The following TEX36 variants were observed in gnomAD, a reference collection of about 807,000 sequenced individuals.
TEX36 encodes the protein testis-expressed protein 36.
In TEX36, 12 loss-of-function variants were observed where a neutral mutation model predicts 13.6. The observed-to-expected ratio is 0.88, with a 90% CI of 0.56 to 1.43. TEX36 has a LOEUF of 1.43. Ranked by LOEUF, TEX36 falls within the 40% of genes most tolerant of loss-of-function variation. The probability of loss-of-function intolerance (pLI) is 0.00; values close to 1 mark genes in which losing one functional copy is unlikely to be tolerated. For missense variants in TEX36, 224 were observed against 228.3 expected, an observed-to-expected ratio of 0.98 and a Z score of 0.12; for synonymous variants, 93 against 83.0, an observed-to-expected ratio of 1.12 and a Z score of -0.65.
At position 125,609,169 on chromosome 10, in the gene TEX36, CA is replaced by C. The variant is rs869082542; in HGVS notation, c.265-32296del. ...GACTCCATCTCAGGAAAAAACAAAA[CA>C]AAAAAAAAAAAACTTTTAAACTAAA... On this transcript the variant is annotated intron_variant, in intron 3 of 3. Coordinates refer to the TEX36 transcript ENST00000532135. Among the ~76,000 whole-genome samples, 207 of 59,092 alleles carry C rather than the reference CA, an allele frequency of 3.5e-3. 1 individual carries two copies. The highest frequency in any genetic ancestry group is 4.7e-3 in the Non-Finnish European group (125 of 26,736). The allele number at this position is 59,092 out of a possible 152,430, so 38.8% of individuals were successfully genotyped here.
intron 1 of TEX36, 39 bp from the exon 2 acceptor site, chr10:125,662,016 A>T (rs1337796386): frequency 6.4e-7 from 1 of 1,551,900 alleles, no homozygotes; most frequent in East Asian, 2.4e-5. Context: ...AACCAGACAC[A>T]TTTGAATCTA....
downstream of TEX36, among the ~76,000 whole-genome samples, chr10:125,650,806 C>G (rs1398839920): frequency 6.6e-6 from 1 of 151,910 alleles, no homozygotes; most frequent in Non-Finnish European, 1.5e-5. Flanking sequence ...AAAAAATGAT[C>G]AAGGGGATAT....
chr10:125,616,095 T>C (rs1016188430), intron 3 of TEX36, among the ~76,000 whole-genome samples: 2 of 152,216 alleles, frequency 1.3e-5, no homozygotes, highest in Non-Finnish European at 2.9e-5. Flanking sequence ...TATTCTCTGA[T>C]GGTAGTTTGT....
chr10:125,628,746 T>C (rs1483005870), intron 3 of TEX36, among the ~76,000 whole-genome samples: 2 of 152,178 alleles, frequency 1.3e-5, no homozygotes, highest in Non-Finnish European at 2.9e-5. Flanking sequence ...AGCGAAAAGC[T>C]GGGGGATAAA....
At chr10:125,601,016 T>G (rs1300413850) in intron 3 of TEX36, among the ~76,000 whole-genome samples, 1 of 152,258 alleles carries the variant, frequency 6.6e-6, no homozygotes, top group Non-Finnish European at 1.5e-5. Context: ...TTTAGCTTTC[T>G]CATTTGGCCA....
At chr10:125,592,276 C>G (rs939467249) in intron 3 of TEX36, among the ~76,000 whole-genome samples, 1 of 152,126 alleles carries the variant, frequency 6.6e-6, no homozygotes, top group East Asian at 1.9e-4. Flanking sequence ...GAGACCATCC[C>G]CATGAAGCCA....
At position 125,667,762 on chromosome 10, in the gene TEX36, C is replaced by T; in HGVS notation, c.52-5785G>A. The T allele has an allele frequency of 3.5e-6, 3 of 845,812 alleles. No individual in the cohort carries two copies. In the East Asian group the frequency reaches 7.3e-5, roughly 21 times the overall value. 52.4% of individuals were successfully genotyped at this position (845,812 alleles called of 1,614,324 possible). A position where few individuals can be genotyped will look rare whatever the true frequency, so the allele number is the denominator to read the frequency against. Reference sequence around the variant, plus strand: ...GGTTCACGCAGTCGTCAGCTGTCAGCAGCAGCTGACAGTAGAAGCGCCAGT... The same window carrying T: ...GGTTCACGCAGTCGTCAGCTGTCAGTAGCAGCTGACAGTAGAAGCGCCAGT... On this transcript the variant is annotated intron_variant, in intron 1 of 3. Coordinates refer to ENST00000368821, the MANE Select transcript of TEX36 (RefSeq NM_001128202.3).
At chr10:125,643,495 G>T (rs573647962) in intron 3 of TEX36, among the ~76,000 whole-genome samples, 1 of 152,124 alleles carries the variant, frequency 6.6e-6, no homozygotes, top group Non-Finnish European at 1.5e-5. Context: ...TGTAATCCCC[G>T]CACTTTGGGA....
At chr10:125,604,953 A>C (rs1013261047) in intron 3 of TEX36, among the ~76,000 whole-genome samples, 3 of 152,128 alleles carry the variant, frequency 2.0e-5, no homozygotes, top group African/African-American at 7.2e-5. Context: ...TAATTATTTC[A>C]TTACACATTA....
At chr10:125,660,464 T>G (rs940371218) in intron 3 of TEX36, among the ~76,000 whole-genome samples, 2 of 152,234 alleles carry the variant, frequency 1.3e-5, no homozygotes, top group Admixed American at 1.3e-4. Flanking sequence ...CCTGTTTCTT[T>G]GTACTTAATG....
At chr10:125,606,606 G>GCTC (rs1191328492) in intron 3 of TEX36, among the ~76,000 whole-genome samples, 11 of 152,312 alleles carry the variant, frequency 7.2e-5, no homozygotes, top group Admixed American at 6.5e-4. Flanking sequence ...GTGGAAGTCA[G>GCTC]CAGGGACCAG....
chr10:125,664,359 A>G (rs1825688812), intron 1 of TEX36, among the ~76,000 whole-genome samples: 1 of 152,198 alleles, frequency 6.6e-6, no homozygotes, highest in Non-Finnish European at 1.5e-5. Flanking sequence ...TATACCTAGC[A>G]GTGGGATTGC....
chr10:125,640,047 G>A (rs1223584112), intron 3 of TEX36: 10 of 501,926 alleles, frequency 2.0e-5, no homozygotes, highest in Non-Finnish European at 2.3e-5. Context: ...GTAGTATTCC[G>A]CTGTGGTCAC....
intron 3 of TEX36, among the ~76,000 whole-genome samples, chr10:125,642,060 T>C (rs891924316): frequency 6.6e-6 from 1 of 152,220 alleles, no homozygotes; most frequent in Admixed American, 6.5e-5. Flanking sequence ...GGTAATTTTT[T>C]GAATTTCACT....
chr10:125,602,161 A>T (rs1846157314), intron 3 of TEX36, among the ~76,000 whole-genome samples: 1 of 152,058 alleles, frequency 6.6e-6, no homozygotes, highest in African/African-American at 2.4e-5. Flanking sequence ...TATCCTGGGG[A>T]GAAGGAGGGG....
chr10:125,605,790 C>T (rs973671755), intron 3 of TEX36, among the ~76,000 whole-genome samples: 23 of 151,912 alleles, frequency 1.5e-4, no homozygotes, highest in Non-Finnish European at 1.2e-4. Flanking sequence ...TTAGTAGAGA[C>T]GGGGTTTCAC....
At chr10:125,577,352 G>A (rs1447719780) in intron 3 of TEX36, among the ~76,000 whole-genome samples, 3 of 152,144 alleles carry the variant, frequency 2.0e-5, no homozygotes, top group Admixed American at 6.5e-5. Context: ...CAAAAAATTA[G>A]CCAGGCATGT....
chr10:125,675,629 C>T (rs1014883308), intron 1 of TEX36, among the ~76,000 whole-genome samples: 2 of 152,140 alleles, frequency 1.3e-5, no homozygotes, highest in Non-Finnish European at 2.9e-5. Context: ...CCCTTCTTGG[C>T]TGGGGGTGGG....
chr10:125,637,695 C>G (rs1846638139), intron 3 of TEX36, among the ~76,000 whole-genome samples: 1 of 152,126 alleles, frequency 6.6e-6, no homozygotes, highest in South Asian at 2.1e-4. Context: ...CCCCCAGGTA[C>G]CTGACTCAGC....
Sources: gnomAD v4.1 joint callset for allele counts (sites outside exome capture counted in the v4.1 genomes callset) on GRCh38, gnomAD v4.1.1 for gene constraint, MANE v1.5 for transcripts, NCBI Gene and HGNC (gene_info 2026-07-23, HGNC 2026-07-21) for gene names.